Variants in EML6 observed in about 807,000 individuals in gnomAD.
EML6 encodes echinoderm microtubule-associated protein-like 6.
A neutral mutation model predicts 240.1 loss-of-function variants in EML6; 154 were observed. The observed-to-expected ratio is 0.64, with a 90% CI of 0.56 to 0.73. EML6 has a LOEUF of 0.73. Among genes scored for constraint, EML6 ranks in the 30% least tolerant of loss-of-function variants. EML6 has a pLI of 0.00. For missense variants in EML6, 2,964 were observed against 2,474.6 expected, an observed-to-expected ratio of 1.20 and a Z score of -4.20; for synonymous variants, 1,148 against 899.0, an observed-to-expected ratio of 1.28 and a Z score of -4.95.
intron 5 of EML6, among the ~76,000 whole-genome samples, chr2:54,822,293 G>A (rs1668369235): frequency 6.6e-6 from 1 of 152,146 alleles, no homozygotes. Flanking sequence ...GTAGAGAGGG[G>A]TAAGCTGATA....
Position 54,952,597 on chromosome 2 carries a change from G to T in EML6, c.4217G>T (p.Ser1406Ile), listed in dbSNP as rs1023953590. The change falls in exon 31 of 42, where the codon AGC becomes ATC. Residue 1406 changes from serine to isoleucine, a missense_variant. Coordinates refer to ENST00000356458, the MANE Select transcript of EML6 (RefSeq NM_001039753.4). The stretch of plus-strand genomic sequence containing the variant: ...TCCCATGATCTCTCTCCCCCAGGGA[G>T]CCAGAGCTTCTATCTGGAGCACACA... The part of the protein sequence containing the change: ...AGIVQNLSTG[S>I]QSFYLEHTDD... The T allele has an allele frequency of 8.4e-6, 13 of 1,549,506 alleles. No homozygotes were observed. Among genetic ancestry groups the T allele is most frequent in the Non-Finnish European group, 1.1e-5 (13 of 1,145,410 alleles).
intron 21 of EML6, among the ~76,000 whole-genome samples, chr2:54,898,387 T>A (rs1672881368): frequency 6.6e-6 from 1 of 152,090 alleles, no homozygotes; most frequent in Admixed American, 6.6e-5. Context: ...TAGAAGAGCT[T>A]CAAGCAGAGT....
chr2:54,945,522 T>C (rs555059467), intron 28 of EML6, among the ~76,000 whole-genome samples: 9 of 152,210 alleles, frequency 5.9e-5, no homozygotes, highest in African/African-American at 2.2e-4. Context: ...TAGAAACTGG[T>C]TGGAACGACT....
intron 4 of EML6, among the ~76,000 whole-genome samples, chr2:54,818,294 T>C (rs1256222396): frequency 6.6e-6 from 1 of 152,008 alleles, no homozygotes; most frequent in East Asian, 1.9e-4. Flanking sequence ...AAATTTGGCC[T>C]CAGCTGCCCT....
chr2:54,914,190 A>G (rs1189435164), intron 25 of EML6, among the ~76,000 whole-genome samples: 1 of 152,198 alleles, frequency 6.6e-6, no homozygotes, highest in Non-Finnish European at 1.5e-5. Context: ...TTTAATCCTC[A>G]TAACAGCTTT....
At chr2:54,742,933 T>G (rs1457009148) in intron 2 of EML6, among the ~76,000 whole-genome samples, 2 of 152,236 alleles carry the variant, frequency 1.3e-5, no homozygotes, top group Non-Finnish European at 2.9e-5. Flanking sequence ...AAACCAATTT[T>G]ACCATCAGCC....
At chr2:54,969,444 G>A (rs748561840) in intron 41 of EML6, among the ~76,000 whole-genome samples, 13 of 152,172 alleles carry the variant, frequency 8.5e-5, no homozygotes, top group Admixed American at 8.5e-4. Flanking sequence ...CTCATGGCCT[G>A]CCTGGGAGCC....
rs1558521008 is a variant in EML6 at position 54,744,947 on chromosome 2, CACACACACACACACA to C, written c.197+19690_197+19704del. Among the ~76,000 whole-genome samples, 1,095 of 137,548 alleles carry C rather than the reference CACACACACACACACA, an allele frequency of 8.0e-3. 9 individuals carry two copies. The highest frequency in any genetic ancestry group is 9.6e-3 in the South Asian group (43 of 4,466). 90.2% of individuals were successfully genotyped at this position (137,548 alleles called of 152,430 possible). ...ACACACACACACACACACACACACACACACACACACACACACCCTGCCATGCAGGCCTTCCCAGTG... is the reference window on the plus strand; with the variant it reads ...ACACACACACACACACACACACACACCCCTGCCATGCAGGCCTTCCCAGTG... On this transcript the variant is annotated intron_variant, in intron 2 of 41. Coordinates refer to ENST00000356458, the MANE Select transcript of EML6 (RefSeq NM_001039753.4).
At chr2:54,908,555 A>G (rs1328013495) in intron 24 of EML6, among the ~76,000 whole-genome samples, 1 of 152,210 alleles carries the variant, frequency 6.6e-6, no homozygotes, top group African/African-American at 2.4e-5. Context: ...AATGAACTAG[A>G]AAACGCACAG....
chr2:54,769,144 C>A (rs1668308323), intron 2 of EML6, among the ~76,000 whole-genome samples: 1 of 152,118 alleles, frequency 6.6e-6, no homozygotes, highest in South Asian at 2.1e-4. Flanking sequence ...AATAAACTGG[C>A]AAAGATTTAT....
intron 26 of EML6, among the ~76,000 whole-genome samples, chr2:54,919,635 T>A (rs1674117470): frequency 6.6e-6 from 1 of 152,238 alleles, no homozygotes; most frequent in African/African-American, 2.4e-5. Context: ...TTTCTGTGTG[T>A]AAATGAAATT....
At position 54,954,043 on chromosome 2, in the gene EML6, G is replaced by A. The variant is rs1054073338; in HGVS notation, c.4373G>A (p.Arg1458Gln). Residue 1458 changes from arginine (R) to glutamine (Q), a missense_variant, in exon 32 of 42, where the codon CGG (arginine) becomes CAG (glutamine). Physicochemically the swap from Arg to Gln is conservative, Grantham distance 43. Transcript: ENST00000356458. Reference sequence around the variant, plus strand: ...ACCAAACACACCCTCTCCATGCTGCGGTGCTTCCACTCCAAGGGGGTGAAT... The same window carrying A: ...ACCAAACACACCCTCTCCATGCTGCAGTGCTTCCACTCCAAGGGGGTGAAT... ...AMTKHTLSML[R>Q]CFHSKGVNYI... 16 of 1,551,822 alleles carry A rather than the reference G, an allele frequency of 1.0e-5. No homozygotes were observed. The highest frequency in any genetic ancestry group is 1.7e-4 in the Middle Eastern group (1 of 5,992).
intron 15 of EML6, among the ~76,000 whole-genome samples, chr2:54,870,338 G>A (rs555441112): frequency 2.9e-4 from 44 of 150,006 alleles, no homozygotes; most frequent in Non-Finnish European, 5.3e-4. Flanking sequence ...TTTTAAAAGG[G>A]TTGCAGTCCT....
chr2:54,858,142 C>T (rs542981798), intron 11 of EML6, among the ~76,000 whole-genome samples: 12 of 152,316 alleles, frequency 7.9e-5, no homozygotes, highest in African/African-American at 2.9e-4. Context: ...TCGCTTCTTC[C>T]AAGATGGCTC....
chr2:54,953,592 T>C (rs1439108607), intron 31 of EML6, among the ~76,000 whole-genome samples: 3 of 152,202 alleles, frequency 2.0e-5, no homozygotes, highest in African/African-American at 7.2e-5. Flanking sequence ...AACATTTGTC[T>C]TAAAAAAGGC....
chr2:54,765,465 A>G (rs1668144108), intron 2 of EML6, among the ~76,000 whole-genome samples: 1 of 151,824 alleles, frequency 6.6e-6, no homozygotes, highest in Non-Finnish European at 1.5e-5. Context: ...TTTTATTTTT[A>G]TTTTTATTTT....
At chr2:54,942,636 C>T (rs1030445162) in intron 28 of EML6, among the ~76,000 whole-genome samples, 8 of 151,944 alleles carry the variant, frequency 5.3e-5, no homozygotes, top group Non-Finnish European at 1.0e-4. Context: ...GTGTCATGCT[C>T]TGCCATCTTC....
chr2:54,778,464 A>G (rs990727520), intron 2 of EML6, among the ~76,000 whole-genome samples: 2 of 152,166 alleles, frequency 1.3e-5, no homozygotes, highest in Admixed American at 1.3e-4. Context: ...AAAGTCAGCT[A>G]CGTTTCCAAA....
At chr2:54,819,547 G>A (rs973647843) in intron 4 of EML6, among the ~76,000 whole-genome samples, 1 of 152,130 alleles carries the variant, frequency 6.6e-6, no homozygotes, top group Non-Finnish European at 1.5e-5. Flanking sequence ...AGAGGCCAAG[G>A]CAGGTGGATC....
Sources: gnomAD v4.1 joint callset for allele counts (sites outside exome capture counted in the v4.1 genomes callset) on GRCh38, gnomAD v4.1.1 for gene constraint, MANE v1.5 for transcripts, NCBI Gene and HGNC (gene_info 2026-07-23, HGNC 2026-07-21) for gene names.